Variants in LRP1B observed in about 807,000 individuals in gnomAD.
LRP1B encodes low-density lipoprotein receptor-related protein 1B.
Under a neutral mutation model 556.6 loss-of-function variants are expected in LRP1B, and 217 were observed. The ratio of observed to expected loss-of-function variants is 0.39; its 90% CI spans 0.35 to 0.44. The LOEUF is 0.44. Among genes scored for constraint, LRP1B ranks in the 20% least tolerant of loss-of-function variants. The probability of loss-of-function intolerance (pLI) is 1.00; values close to 1 mark genes in which losing one functional copy is unlikely to be tolerated. For synonymous variants in LRP1B, 2,047 were observed against 1,865.8 expected, an observed-to-expected ratio of 1.10 and a Z score of -2.50; for missense variants, 5,053 against 5,620.8, an observed-to-expected ratio of 0.90 and a Z score of 3.23.
At chr2:140,549,682 A>G (rs1482193439) in intron 43 of LRP1B, among the ~76,000 whole-genome samples, 2 of 152,168 alleles carry the variant, frequency 1.3e-5, no homozygotes, top group East Asian at 1.9e-4. Context: ...AACAGCTGTC[A>G]ACACGCTAGG....
intron 6 of LRP1B, among the ~76,000 whole-genome samples, chr2:141,191,759 A>G (rs1681521178): frequency 6.6e-6 from 1 of 150,956 alleles, no homozygotes; most frequent in African/African-American, 2.4e-5. Flanking sequence ...TCTGGAATGT[A>G]TGGTTTGCTT....
intron 1 of LRP1B, among the ~76,000 whole-genome samples, chr2:141,833,405 T>C (rs2105748817): frequency 6.6e-6 from 1 of 151,960 alleles, no homozygotes; most frequent in Non-Finnish European, 1.5e-5. Flanking sequence ...AACACAGGAA[T>C]ATTAGGACTT....
At chr2:141,257,086 G>A (rs914438816) in intron 3 of LRP1B, among the ~76,000 whole-genome samples, 5 of 151,880 alleles carry the variant, frequency 3.3e-5, no homozygotes, top group African/African-American at 1.2e-4. Context: ...GGCAAGCAGG[G>A]AAATCAATGT....
Position 140,238,231 on chromosome 2 carries a change from G to GA in LRP1B, c.13480dup (p.Ser4494PhefsTer3). The stretch of plus-strand genomic sequence containing the variant: ...ATGATCTACCTCATACATGTTATAA[G>GA]ATGGATTGCCAATTTCTACATTTAT... On this transcript the variant is annotated frameshift_variant, in exon 89 of 91. Transcript: ENST00000389484. LOFTEE classifies it high-confidence loss of function. 6.3e-7 allele frequency: 1 copy of GA among 1,596,538 alleles called. No individual in the cohort carries two copies. Among genetic ancestry groups the GA allele is most frequent in the Non-Finnish European group, 8.6e-7 (1 of 1,166,148 alleles).
chr2:140,467,910 G>T (rs1001503609), intron 60 of LRP1B, among the ~76,000 whole-genome samples: 3 of 152,144 alleles, frequency 2.0e-5, no homozygotes, highest in African/African-American at 7.2e-5. Context: ...AGCAGAAAAA[G>T]ATTTGGAAAA....
chr2:140,628,462 G>A (rs1277690160), intron 41 of LRP1B, among the ~76,000 whole-genome samples: 6 of 151,652 alleles, frequency 4.0e-5, no homozygotes, highest in South Asian at 2.1e-4. Flanking sequence ...GCATGAACCC[G>A]GGAGGCGGAG....
intron 3 of LRP1B, among the ~76,000 whole-genome samples, chr2:141,365,355 A>G (rs1045744610): frequency 1.3e-5 from 2 of 152,112 alleles, no homozygotes; most frequent in African/African-American, 4.8e-5. Flanking sequence ...CGGCTTTATC[A>G]TGCATCTTAA....
chr2:141,728,012 G>A (rs570054018), intron 2 of LRP1B, among the ~76,000 whole-genome samples: 53 of 152,116 alleles, frequency 3.5e-4, no homozygotes, highest in African/African-American at 1.3e-3. Flanking sequence ...CCAAAGGACA[G>A]TACTTTTAGC....
chr2:141,348,680 T>C (rs1425416882), intron 3 of LRP1B, among the ~76,000 whole-genome samples: 2 of 152,074 alleles, frequency 1.3e-5, no homozygotes, highest in Non-Finnish European at 2.9e-5. Context: ...GCACAATTGA[T>C]TCCAGGTGGC....
chr2:141,258,906 T>C (rs1043747374), intron 3 of LRP1B, among the ~76,000 whole-genome samples: 3 of 152,172 alleles, frequency 2.0e-5, no homozygotes, highest in African/African-American at 7.2e-5. Context: ...TGTGAGCCAA[T>C]TCAACCTTTT....
intron 66 of LRP1B, among the ~76,000 whole-genome samples, chr2:140,396,921 A>G (rs574683485): frequency 6.6e-6 from 1 of 152,266 alleles, no homozygotes; most frequent in African/African-American, 2.4e-5. Context: ...CATTGTTTTA[A>G]GTGAATAGAT....
chr2:142,078,332 C>T (rs185357798), intron 1 of LRP1B, among the ~76,000 whole-genome samples: 1 of 152,272 alleles, frequency 6.6e-6, no homozygotes, highest in East Asian at 1.9e-4. Flanking sequence ...CCTTCCCTTG[C>T]TTCAGAGAGC....
intron 41 of LRP1B, among the ~76,000 whole-genome samples, chr2:140,621,101 G>C (rs1683433418): frequency 6.6e-6 from 1 of 151,792 alleles, no homozygotes; most frequent in Non-Finnish European, 1.5e-5. Flanking sequence ...CTGATATTGG[G>C]CCAGGTGTGG....
At chr2:141,547,069 T>C (rs959822039) in intron 2 of LRP1B, among the ~76,000 whole-genome samples, 1 of 152,170 alleles carries the variant, frequency 6.6e-6, no homozygotes, top group Non-Finnish European at 1.5e-5. Flanking sequence ...ATTTCCAGTA[T>C]TGTCGTAGGT....
chr2:140,332,303 C>T (rs182047988), intron 79 of LRP1B, among the ~76,000 whole-genome samples: 1 of 149,926 alleles, frequency 6.7e-6, no homozygotes, highest in Non-Finnish European at 1.5e-5. Flanking sequence ...GCATATGCCT[C>T]ATTTTTTTTT....
intron 27 of LRP1B, among the ~76,000 whole-genome samples, chr2:140,863,128 ATCTC>A (rs758553061): frequency 1.5e-4 from 23 of 151,924 alleles, no homozygotes; most frequent in Admixed American, 1.2e-3. Context: ...TCTAAAATCA[ATCTC>A]TCTATCTCTG....
intron 2 of LRP1B, among the ~76,000 whole-genome samples, chr2:141,684,082 A>AC (rs574560945): frequency 7.6e-4 from 115 of 152,206 alleles, no homozygotes; most frequent in African/African-American, 2.6e-3. Context: ...ATACCATTTG[A>AC]CCCAGCAATC....
Position 142,053,305 on chromosome 2 carries a change from G to A in LRP1B, c.82+77343C>T, listed in dbSNP as rs372102972. 2.0e-5 allele frequency among the ~76,000 whole-genome samples: 3 copies of A among 152,094 alleles called. No individual in the cohort carries two copies. In the East Asian group the frequency reaches 5.8e-4, roughly 29 times the overall value. On this transcript the variant is annotated intron_variant, in intron 1 of 90. Coordinates refer to ENST00000389484, the MANE Select transcript of LRP1B (RefSeq NM_018557.3). ...TTTAAAAATGTGTTCATTTTGTTTG[G>A]CTCAGCATTCCAGAGCACACATAGC...
chr2:142,026,731 A>G (rs907663363), intron 1 of LRP1B, among the ~76,000 whole-genome samples: 2 of 152,058 alleles, frequency 1.3e-5, no homozygotes, highest in Non-Finnish European at 2.9e-5. Context: ...TGTATTGCCC[A>G]GACTTATCTT....
Sources: allele counts gnomAD v4.1 joint callset (sites outside exome capture counted in the v4.1 genomes callset), GRCh38; gene constraint gnomAD v4.1.1; transcripts MANE v1.5; gene names NCBI Gene and HGNC (gene_info 2026-07-23, HGNC 2026-07-21).